ANK2: variants seen among roughly 807,000 people sequenced by gnomAD.
ANK2 encodes the protein ankyrin-2.
In ANK2, 83 loss-of-function variants were observed where a neutral mutation model predicts 360.5. The observed-to-expected ratio is 0.23, with a 90% confidence interval of 0.19 to 0.28. The LOEUF (loss-of-function observed/expected upper bound fraction) is 0.28. ANK2 is among the 10% of genes least tolerant of loss of function. The probability of loss-of-function intolerance (pLI) is 1.00; values close to 1 mark genes in which losing one functional copy is unlikely to be tolerated. For synonymous variants in ANK2, 1,740 were observed against 1,759.5 expected, an observed-to-expected ratio of 0.99 and a Z score of 0.28; for missense variants, 4,201 against 4,795.7, an observed-to-expected ratio of 0.88 and a Z score of 3.66.
chr4:113,367,972 A>G, intron 42 of ANK2, 121 bp downstream of exon 42: 3 of 1,212,544 alleles, frequency 2.5e-6, no homozygotes, highest in Non-Finnish European at 3.5e-6. Context: ...ACCAAACACA[A>G]GTGCCAGAGC....
chr4:113,106,722 A>G (rs564189865), intron 1 of ANK2: 2 of 274,372 alleles, frequency 7.3e-6, no homozygotes, highest in East Asian at 2.1e-4. Flanking sequence ...GTGACATTTC[A>G]TCTCCAATCT....
intron 4 of ANK2, among the ~76,000 whole-genome samples, chr4:113,200,198 C>T (rs552233711): frequency 2.5e-4 from 38 of 152,124 alleles, no homozygotes; most frequent in African/African-American, 8.7e-4. Flanking sequence ...TGAGAATATG[C>T]CTTAGTCTAA....
intron 1 of ANK2, among the ~76,000 whole-genome samples, chr4:112,852,140 C>T (rs1486924237): frequency 2.0e-5 from 3 of 152,168 alleles, no homozygotes; most frequent in Non-Finnish European, 4.4e-5. Flanking sequence ...TGCTCTAATA[C>T]GTATTATCCT....
intron 1 of ANK2, among the ~76,000 whole-genome samples, chr4:112,897,017 C>T (rs571175948): frequency 2.6e-5 from 4 of 152,230 alleles, no homozygotes; most frequent in Middle Eastern, 3.4e-3. Flanking sequence ...TTTCCTTGTC[C>T]GGCGCACTCT....
At chr4:112,807,029 C>T in the ANK2 span, among the ~76,000 whole-genome samples, 1 of 152,292 alleles carries the variant, frequency 6.6e-6, no homozygotes, top group East Asian at 1.9e-4. Flanking sequence ...CCATTTCCAA[C>T]TCTCTTCTAT....
chr4:113,120,280 C>A (rs2095261415), intron 1 of ANK2, among the ~76,000 whole-genome samples: 1 of 152,082 alleles, frequency 6.6e-6, no homozygotes, highest in South Asian at 2.1e-4. Context: ...TTACAAAAAT[C>A]AGAATATCTC....
rs1233494504 is a variant in ANK2, at chr4:113,356,246, CTGAA to C, written c.7629_7632del (p.Glu2544LysfsTer13). On this transcript the variant is annotated frameshift_variant, in exon 38 of 46. Transcript: ENST00000357077. LOFTEE classifies it high-confidence loss of function. The stretch of plus-strand genomic sequence containing the variant: ...CCCCTTTCTCCTGACACCCCCAGCT[CTGAA>C]GAAGTCAGCTATGAGGTTACACCCA... The C allele has an allele frequency of 6.2e-7, 1 of 1,613,940 alleles. No homozygotes were observed. Among genetic ancestry groups the C allele is most frequent in the Non-Finnish European group, 8.5e-7 (1 of 1,179,994 alleles).
At chr4:112,967,242 A>G (rs1156295161) in intron 2 of ANK2, among the ~76,000 whole-genome samples, 1 of 152,208 alleles carries the variant, frequency 6.6e-6, no homozygotes, top group East Asian at 1.9e-4. Flanking sequence ...GGCAGGCATA[A>G]AGACTGGATT....
intron 33 of ANK2, among the ~76,000 whole-genome samples, chr4:113,342,681 CAG>C (rs2094434664): frequency 6.7e-6 from 1 of 148,330 alleles, no homozygotes; most frequent in South Asian, 2.1e-4. Flanking sequence ...GCCTGGGCAA[CAG>C]AGTGAGACTC....
chr4:112,723,654 G>A, the ANK2 span, among the ~76,000 whole-genome samples: 6 of 152,074 alleles, frequency 3.9e-5, no homozygotes, highest in Admixed American at 2.0e-4. Flanking sequence ...ACGAGCCACC[G>A]CCCCCGGCAA....
At chr4:113,232,137 T>C (rs1171620456) in intron 4 of ANK2, 24 bp from the exon 5 acceptor site, 2 of 1,502,504 alleles carry the variant, frequency 1.3e-6, no homozygotes, top group Non-Finnish European at 1.9e-6. Flanking sequence ...ATTGAAGGTG[T>C]CTTTTTTTAT....
At chr4:112,986,326 G>C (rs2044857866) in intron 2 of ANK2, among the ~76,000 whole-genome samples, 1 of 152,112 alleles carries the variant, frequency 6.6e-6, no homozygotes, top group South Asian at 2.1e-4. Context: ...ATAAAACTAT[G>C]AACATAGAAT....
At chr4:113,150,410 A>G (rs1004272446) in intron 1 of ANK2, among the ~76,000 whole-genome samples, 1 of 152,196 alleles carries the variant, frequency 6.6e-6, no homozygotes, top group Admixed American at 6.5e-5. Context: ...AATATTTTTA[A>G]TATCCATCCT....
the ANK2 span, among the ~76,000 whole-genome samples, chr4:112,799,250 A>G: frequency 1.3e-5 from 2 of 152,152 alleles, no homozygotes; most frequent in Non-Finnish European, 2.9e-5. Context: ...TCAATGGGCA[A>G]ATGGCTATTG....
At chr4:113,102,268 T>C (rs1409026282) in intron 1 of ANK2, among the ~76,000 whole-genome samples, 1 of 152,046 alleles carries the variant, frequency 6.6e-6, no homozygotes, top group African/African-American at 2.4e-5. Flanking sequence ...CAGGGATAGA[T>C]TGAATGTGGA....
chr4:112,904,359 T>A (rs2084493405), intron 1 of ANK2: 1 of 712,450 alleles, frequency 1.4e-6, no homozygotes, highest in Non-Finnish European at 2.2e-6. Flanking sequence ...CAGTGCCTCC[T>A]ATAAGCTTAT....
intron 2 of ANK2, among the ~76,000 whole-genome samples, chr4:112,954,711 T>C (rs971590349): frequency 1.3e-5 from 2 of 152,170 alleles, no homozygotes; most frequent in African/African-American, 4.8e-5. Context: ...CTTTTTAAAT[T>C]AGAAAAGTTT....
At chr4:113,025,070 CT>C (rs1029502353) in intron 2 of ANK2, among the ~76,000 whole-genome samples, 1 of 151,152 alleles carries the variant, frequency 6.6e-6, no homozygotes, top group Non-Finnish European at 1.5e-5. Context: ...ACATGATCAT[CT>C]TTTTTTTTCT....
chr4:113,133,220 C>T (rs1392066722), intron 1 of ANK2, among the ~76,000 whole-genome samples: 2 of 151,824 alleles, frequency 1.3e-5, no homozygotes, highest in African/African-American at 4.8e-5. Flanking sequence ...AGATGGAAGT[C>T]GAAAAAAGTT....
Sources: allele counts gnomAD v4.1 joint callset (sites outside exome capture counted in the v4.1 genomes callset), GRCh38; gene constraint gnomAD v4.1.1; transcripts MANE v1.5; gene names NCBI Gene and HGNC (gene_info 2026-07-23, HGNC 2026-07-21).